KLHL21: variants seen among roughly 807,000 people sequenced by gnomAD.
KLHL21 encodes kelch like family member 21, also known as kelch-like protein 21.
In KLHL21, 42 loss-of-function variants were observed where a neutral mutation model predicts 44.1. The ratio of observed to expected loss-of-function variants is 0.95; its 90% CI spans 0.74 to 1.23. The LOEUF (loss-of-function observed/expected upper bound fraction) is 1.23. Among genes scored for constraint, KLHL21 ranks in the 50% most tolerant of loss-of-function variants. The pLI, the probability that KLHL21 is intolerant of heterozygous loss-of-function variation, is 0.00. For missense variants in KLHL21, 918 were observed against 889.1 expected, an observed-to-expected ratio of 1.03 and a Z score of -0.41; for synonymous variants, 524 against 411.6, an observed-to-expected ratio of 1.27 and a Z score of -3.31.
In KLHL21 at chr1:6,602,807, G is replaced by T. The variant is rs900893599; in HGVS notation, c.11C>A (p.Pro4Gln). 2.1e-5 allele frequency: 30 copies of T among 1,457,164 alleles called. No individual in the cohort carries two copies. In the African/African-American group the frequency reaches 4.0e-4, roughly 20 times the overall value. 90.3% of individuals were successfully genotyped at this position (1,457,164 alleles called of 1,614,324 possible). The change falls in exon 1 of 4, where the codon CCG becomes CAG. Residue 4 changes from proline (P) to glutamine (Q), a missense_variant. Transcript: ENST00000377658. MER[P>Q]APLAVLPFSD... ...GAAGGGAAGCACGGCCAGGGGCGCC[G>T]GTCGCTCCATGGCGCCTTCGATAGG...
intron 2 of KLHL21, among the ~76,000 whole-genome samples, chr1:6,597,232 C>T (rs918302892): frequency 1.3e-5 from 2 of 151,520 alleles, no homozygotes; most frequent in South Asian, 2.1e-4. Flanking sequence ...GTGGGGGTGG[C>T]GGGGCAGACC....
intron 1 of KLHL21, among the ~76,000 whole-genome samples, chr1:6,601,033 TCA>T (rs1485745312): frequency 7.2e-5 from 11 of 152,292 alleles, no homozygotes; most frequent in Non-Finnish European, 1.2e-4. Context: ...GATAACCGCC[TCA>T]CACGCCTGCC....
rs924821669 is a variant in KLHL21, at chr1:6,595,343, T to C, written c.1500+142A>G. 9 of 762,994 alleles carry C rather than the reference T, an allele frequency of 1.2e-5. No homozygotes were observed. In the African/African-American group the frequency reaches 1.2e-4, roughly 10 times the overall value. The allele number at this position is 762,994 out of a possible 1,614,324, so 47.3% of individuals were successfully genotyped here. On this transcript the variant is annotated intron_variant, in intron 3 of 3. Coordinates refer to ENST00000377658, the MANE Select transcript of KLHL21 (RefSeq NM_014851.4). ...GTCTCAGTGAGCCTTAAGTGCAAAA[T>C]AAGGGTAAGAGCAGCCTTCTATTAA...
chr1:6,593,667 C>A lies in KLHL21; in HGVS notation c.1501-9G>T. On this transcript the variant is annotated splice_polypyrimidine_tract_variant and intron_variant, in intron 3 of 3. Coordinates refer to ENST00000377658, the MANE Select transcript of KLHL21 (RefSeq NM_014851.4). ...CTGCCCCCCACATGTACCTGTGGGC[C>A]AAAGGGATGAGTGAGTGGAGGTCAG... is the stretch of plus-strand genomic sequence containing the variant. 1 of 1,562,146 alleles carries A rather than the reference C, an allele frequency of 6.4e-7. No individual in the cohort carries two copies. The highest frequency in any genetic ancestry group is 8.7e-7 in the Non-Finnish European group (1 of 1,151,324).
At chr1:6,601,726 C>G in intron 1 of KLHL21, 71 bp downstream of exon 1, 4 of 1,466,980 alleles carry the variant, frequency 2.7e-6, no homozygotes, top group Admixed American at 2.3e-5. Context: ...GCGCTTCCCC[C>G]GCGAATAGCT....
chr1:6,600,034 T>C (rs1258314677), intron 1 of KLHL21, among the ~76,000 whole-genome samples: 1 of 152,002 alleles, frequency 6.6e-6, no homozygotes, highest in Non-Finnish European at 1.5e-5. Flanking sequence ...ATATATATAT[T>C]CTTCTGCCTG....
At position 6,602,622 on chromosome 1, in the gene KLHL21, C is replaced by G. The variant is rs761912587; in HGVS notation, c.196G>C (p.Ala66Pro). 1 of 1,519,656 alleles carries G rather than the reference C, an allele frequency of 6.6e-7. No individual in the cohort carries two copies. Among genetic ancestry groups the G allele is most frequent in the South Asian group, 1.2e-5 (1 of 82,032 alleles). The allele number at this position is 1,519,656 out of a possible 1,614,324, so 94.1% of individuals were successfully genotyped here. Reference protein sequence around the residue: ...AASPYFRAMFAGQLRESRAER... With the variant: ...AASPYFRAMFPGQLRESRAER... ...GCGCGGCTCTCGCGCAGCTGCCCCG[C>G]GAACATGGCGCGGAAGTAGGGGCTG... The change falls in exon 1 of 4, where the codon GCG becomes CCG. Residue 66 changes from alanine to proline, a missense_variant. By Grantham distance (27) the Ala-to-Pro change is conservative (BLOSUM62 -1). Transcript: ENST00000377658.
intron 2 of KLHL21, among the ~76,000 whole-genome samples, chr1:6,598,473 G>C (rs1002006699): frequency 1.3e-5 from 2 of 152,092 alleles, no homozygotes; most frequent in African/African-American, 2.4e-5. Context: ...GGCAGGCTGA[G>C]GCAGGAGAAT....
At chr1:6,599,602 G>A in intron 1 of KLHL21, 150 bp from the exon 2 acceptor site, 1 of 815,310 alleles carries the variant, frequency 1.2e-6, no homozygotes, top group Non-Finnish European at 1.9e-6. Context: ...CAAAAGCCCA[G>A]GCCACATGTT....
chr1:6,600,017 A>AATAT (rs141001110), intron 1 of KLHL21, among the ~76,000 whole-genome samples: 1 of 150,330 alleles, frequency 6.7e-6, no homozygotes, highest in Admixed American at 6.7e-5. Flanking sequence ...GTGTAAGTAT[A>AATAT]ATATATATAT....
At chr1:6,596,932 C>G (rs1172816079) in intron 2 of KLHL21, among the ~76,000 whole-genome samples, 3 of 152,240 alleles carry the variant, frequency 2.0e-5, no homozygotes, top group Non-Finnish European at 4.4e-5. Context: ...TGCCCAAAGA[C>G]AGGTGGTGTT....
intron 3 of KLHL21, 129 bp from the exon 4 acceptor site, chr1:6,593,787 A>G: frequency 7.1e-7 from 1 of 1,399,718 alleles, no homozygotes; most frequent in Non-Finnish European, 9.3e-7. Context: ...TCTCCCAGAA[A>G]GCAGCAGAGA....
chr1:6,597,257 T>C (rs1320038097), intron 2 of KLHL21, among the ~76,000 whole-genome samples: 1 of 152,104 alleles, frequency 6.6e-6, no homozygotes, highest in Non-Finnish European at 1.5e-5. Context: ...TGCTTCCCTA[T>C]GGGAAGGTTA....
intron 2 of KLHL21, 62 bp downstream of exon 2, chr1:6,598,985 C>A: frequency 3.4e-6 from 5 of 1,477,640 alleles, no homozygotes; most frequent in Non-Finnish European, 4.5e-6. Flanking sequence ...ATGATGTGTG[C>A]TTAAGACAGG....
Position 6,593,014 on chromosome 1 carries a change from G to T in KLHL21, c.*351C>A. Reference sequence around the variant, plus strand: ...CTTCACGCGTCCCTCCCAAGTCATCGTCCTCTCCCAAGGTGGGAACAAGTA... The same window carrying T: ...CTTCACGCGTCCCTCCCAAGTCATCTTCCTCTCCCAAGGTGGGAACAAGTA... On this transcript the variant is annotated 3_prime_UTR_variant, in exon 4 of 4. Transcript: ENST00000377658. 3.9e-6 allele frequency: 1 copy of T among 256,122 alleles called. No individual in the cohort carries two copies. The highest frequency in any genetic ancestry group is 7.5e-6 in the Non-Finnish European group (1 of 132,988). 15.9% of individuals were successfully genotyped at this position (256,122 alleles called of 1,614,324 possible). A position where few individuals can be genotyped will look rare whatever the true frequency, so the allele number is the denominator to read the frequency against.
Position 6,602,256 on chromosome 1 carries a change from C to A in KLHL21, c.562G>T (p.Asp188Tyr), listed in dbSNP as rs1268763835. 1 of 1,548,654 alleles carries A rather than the reference C, an allele frequency of 6.5e-7. No individual in the cohort carries two copies. Among genetic ancestry groups the A allele is most frequent in the Non-Finnish European group, 8.7e-7 (1 of 1,154,462 alleles). The stretch of plus-strand genomic sequence containing the variant: ...TCCTCCTTGGGCACACACAGCCCGT[C>A]GTCCCGCAGGTAGCGCAGCAGGCGC... ...LARLLRYLRD[D>Y]GLCVPKEEAA... is the part of the protein sequence containing the mutation. The change falls in exon 1 of 4, where the codon GAC becomes TAC. Residue 188 changes from aspartate (D) to tyrosine (Y), a missense_variant. Coordinates refer to ENST00000377658, the MANE Select transcript of KLHL21 (RefSeq NM_014851.4).
chr1:6,593,295 A>C lies in KLHL21; in HGVS notation c.*70T>G. Reference sequence around the variant, plus strand: ...TGAGCCCAACGTGTCCTTGTGCACAAAGGAGTGGGGCACTGCCCCGCAGAG... The same window carrying C: ...TGAGCCCAACGTGTCCTTGTGCACACAGGAGTGGGGCACTGCCCCGCAGAG... On this transcript the variant is annotated 3_prime_UTR_variant, in exon 4 of 4. Transcript: ENST00000377658. 1 of 1,453,254 alleles carries C rather than the reference A, an allele frequency of 6.9e-7. No individual in the cohort carries two copies. The highest frequency in any genetic ancestry group is 2.3e-5 in the East Asian group (1 of 43,652). 90.0% of individuals were successfully genotyped at this position (1,453,254 alleles called of 1,614,324 possible).
At chr1:6,601,756 G>A (rs2148704155) in intron 1 of KLHL21, 41 bp downstream of exon 1, 2 of 1,500,438 alleles carry the variant, frequency 1.3e-6, no homozygotes, top group Non-Finnish European at 1.8e-6. Flanking sequence ...TACCGGCGAG[G>A]TTCAACCCCA....
rs1039480804 is a variant in KLHL21 at position 6,592,926 on chromosome 1, G to C, written c.*439C>G. On this transcript the variant is annotated 3_prime_UTR_variant, in exon 4 of 4. Transcript: ENST00000377658. ...GGAATTTGGGACCCCACTTCAGCCC[G>C]TCTGCCTGGTCCGCTGCTCCAGGTT... The C allele has an allele frequency of 6.1e-6, 1 of 163,376 alleles. No individual in the cohort carries two copies. The highest frequency in any genetic ancestry group is 1.9e-4 in the South Asian group (1 of 5,332). The allele number at this position is 163,376 out of a possible 1,614,324, so 10.1% of individuals were successfully genotyped here. A position where few individuals can be genotyped will look rare whatever the true frequency, so the allele number is the denominator to read the frequency against.
Sources: gnomAD v4.1 joint callset for allele counts (sites outside exome capture counted in the v4.1 genomes callset) on GRCh38, gnomAD v4.1.1 for gene constraint, MANE v1.5 for transcripts, NCBI Gene and HGNC (gene_info 2026-07-23, HGNC 2026-07-21) for gene names.